Variants in CTNND2 observed in about 807,000 individuals in gnomAD.
CTNND2 encodes the protein catenin delta-2.
In CTNND2, 22 loss-of-function variants were observed where a neutral mutation model predicts 144.4. That is an observed-to-expected ratio of 0.15 (90% CI 0.11 to 0.22). CTNND2 has a LOEUF of 0.22. CTNND2 is among the 10% of genes least tolerant of loss of function. The pLI is 1.00. For synonymous variants in CTNND2, 751 were observed against 695.6 expected (o/e 1.08, Z -1.25); for missense variants, 1,353 against 1,618.8 (o/e 0.84, Z 2.82).
Position 11,699,750 on chromosome 5 carries a change from T to A in CTNND2, c.174+32386A>T, listed in dbSNP as rs186583824. Among the ~76,000 whole-genome samples the A allele has an allele frequency of 2.4e-4, 36 of 152,350 alleles. 1 individual carries two copies. In the East Asian group the frequency reaches 6.8e-3, roughly 29 times the overall value. ...AAAAGCATATCATCCACGGGCTTCC[T>A]TTCAAAGTAAAAATATTTTCTAGAG... On this transcript the variant is annotated intron_variant, in intron 2 of 21. Transcript: ENST00000304623.
At chr5:11,252,971 T>C (rs1278610799) in intron 9 of CTNND2, among the ~76,000 whole-genome samples, 1 of 152,196 alleles carries the variant, frequency 6.6e-6, no homozygotes, top group East Asian at 1.9e-4. Context: ...CACAGAGATA[T>C]TTTATGTTGC....
chr5:11,061,699 G>C (rs1746998457), intron 16 of CTNND2, among the ~76,000 whole-genome samples: 2 of 151,298 alleles, frequency 1.3e-5, no homozygotes, highest in South Asian at 2.1e-4. Flanking sequence ...GTGGAAAGTA[G>C]ATATTGTTTT....
At chr5:11,756,283 A>T (rs1319672978) in intron 1 of CTNND2, among the ~76,000 whole-genome samples, 4 of 151,744 alleles carry the variant, frequency 2.6e-5, no homozygotes, top group African/African-American at 9.7e-5. Context: ...GAGTAAAAAA[A>T]ATACAGTACT....
At chr5:11,090,315 T>C (rs914341809) in intron 15 of CTNND2, among the ~76,000 whole-genome samples, 3 of 152,166 alleles carry the variant, frequency 2.0e-5, no homozygotes, top group Non-Finnish European at 1.5e-5. Context: ...GGGCTGAAAA[T>C]GGGTTTCATG....
chr5:11,701,782 T>G (rs1405656863), intron 2 of CTNND2, among the ~76,000 whole-genome samples: 1 of 152,218 alleles, frequency 6.6e-6, no homozygotes, highest in Non-Finnish European at 1.5e-5. Context: ...TTTGTATAAT[T>G]TTTATATTAG....
At chr5:11,330,890 AT>A (rs1753077360) in intron 9 of CTNND2, among the ~76,000 whole-genome samples, 1 of 152,120 alleles carries the variant, frequency 6.6e-6, no homozygotes, top group South Asian at 2.1e-4. Context: ...TTTAGCAAAC[AT>A]ACGCAGTGTT....
chr5:11,834,344 G>A (rs983461262), intron 1 of CTNND2, among the ~76,000 whole-genome samples: 1 of 152,054 alleles, frequency 6.6e-6, no homozygotes, highest in East Asian at 1.9e-4. Flanking sequence ...TCTTTTCTAT[G>A]CATTCTAATT....
intron 1 of CTNND2, among the ~76,000 whole-genome samples, chr5:11,753,162 C>A (rs1332016770): frequency 1.3e-5 from 2 of 151,592 alleles, no homozygotes; most frequent in African/African-American, 2.4e-5. Flanking sequence ...TATTTGGATG[C>A]CTTTTATTTC....
chr5:11,229,528 A>C (rs956891396), intron 10 of CTNND2, among the ~76,000 whole-genome samples: 3 of 152,164 alleles, frequency 2.0e-5, no homozygotes, highest in Admixed American at 2.0e-4. Context: ...GTCTCTAAAA[A>C]TAAATAAATC....
chr5:11,047,362 C>T (rs1745371885), intron 16 of CTNND2, among the ~76,000 whole-genome samples: 1 of 152,138 alleles, frequency 6.6e-6, no homozygotes, highest in Non-Finnish European at 1.5e-5. Context: ...GCAAAAATGC[C>T]TTTTGTATTG....
intron 9 of CTNND2, among the ~76,000 whole-genome samples, chr5:11,296,463 C>A (rs996290714): frequency 6.6e-6 from 1 of 152,168 alleles, no homozygotes; most frequent in Non-Finnish European, 1.5e-5. Flanking sequence ...TACCATTTGA[C>A]CCAGCCATCC....
intron 3 of CTNND2, among the ~76,000 whole-genome samples, chr5:11,509,752 A>G (rs2150023213): frequency 6.6e-6 from 1 of 152,322 alleles, no homozygotes; most frequent in Admixed American, 6.5e-5. Flanking sequence ...TTTCGGCAGA[A>G]ATGTGGTTAA....
At chr5:11,772,424 G>T (rs570689841) in intron 1 of CTNND2, among the ~76,000 whole-genome samples, 1 of 152,132 alleles carries the variant, frequency 6.6e-6, no homozygotes, top group African/African-American at 2.4e-5. Flanking sequence ...TCTAACATGG[G>T]GTCCATAGAA....
In CTNND2 at chr5:11,240,077, G is replaced by A. The variant is rs1445350323; in HGVS notation, c.1629-3254C>T. Among the ~76,000 whole-genome samples the A allele has an allele frequency of 4.0e-5, 6 of 151,782 alleles. No individual in the cohort carries two copies. The Admixed American group carries it at 4.0e-4, about 10-fold the overall frequency. On this transcript the variant is annotated intron_variant, in intron 9 of 21. Transcript: ENST00000304623. Reference sequence around the variant, plus strand: ...ACAGTTCTACCAGTGACTCTCAGAAGAGCAAGAGTCATTCCTAGATTAGCC... The same window carrying A: ...ACAGTTCTACCAGTGACTCTCAGAAAAGCAAGAGTCATTCCTAGATTAGCC...
chr5:11,488,935 C>T (rs1375572111), intron 3 of CTNND2, among the ~76,000 whole-genome samples: 2 of 152,124 alleles, frequency 1.3e-5, no homozygotes, highest in African/African-American at 4.8e-5. Flanking sequence ...AGAACATGGA[C>T]GTGTAGAGTT....
intron 9 of CTNND2, among the ~76,000 whole-genome samples, chr5:11,257,684 C>T (rs1007928895): frequency 2.0e-5 from 3 of 152,180 alleles, no homozygotes; most frequent in Non-Finnish European, 4.4e-5. Context: ...GGTTACAATT[C>T]GAGATGAGAT....
intron 2 of CTNND2, among the ~76,000 whole-genome samples, chr5:11,676,300 A>G (rs906616932): frequency 2.0e-5 from 3 of 152,092 alleles, no homozygotes; most frequent in African/African-American, 7.2e-5. Flanking sequence ...TGTCACACTC[A>G]ACTCTGTCCC....
In CTNND2 at chr5:11,175,797, G is replaced by C. The variant is rs184343127; in HGVS notation, c.1976-16038C>G. ...GTAGAGTCTACACATTTTAAATACTGAGGTATATTGCCAAAATGCTCTCCA... is the reference window on the plus strand; with the variant it reads ...GTAGAGTCTACACATTTTAAATACTCAGGTATATTGCCAAAATGCTCTCCA... On this transcript the variant is annotated intron_variant, in intron 11 of 21. Coordinates refer to ENST00000304623, the MANE Select transcript of CTNND2 (RefSeq NM_001332.4). Among the ~76,000 whole-genome samples, 165 of 152,130 alleles carry C rather than the reference G, an allele frequency of 1.1e-3. 1 individual carries two copies. Among genetic ancestry groups the C allele is most frequent in the Non-Finnish European group, 2.1e-4 (14 of 68,008 alleles).
Position 11,126,092 on chromosome 5 carries a change from G to A in CTNND2, c.2160-8525C>T, listed in dbSNP as rs190845725. Among the ~76,000 whole-genome samples the A allele has an allele frequency of 9.7e-3, 1,474 of 152,220 alleles. 7 individuals are homozygous for A. The highest frequency in any genetic ancestry group is 0.014 in the Non-Finnish European group (971 of 68,016). On this transcript the variant is annotated intron_variant, in intron 12 of 21. Coordinates refer to ENST00000304623, the MANE Select transcript of CTNND2 (RefSeq NM_001332.4). ...CGAGGCAGGCGGATCACCTGAGGTC[G>A]GGAGTTCGAGACCAGCCTGACCAAC...
Sources: gnomAD v4.1 joint callset for allele counts (sites outside exome capture counted in the v4.1 genomes callset) on GRCh38, gnomAD v4.1.1 for gene constraint, MANE v1.5 for transcripts, NCBI Gene and HGNC (gene_info 2026-07-23, HGNC 2026-07-21) for gene names.